The following LRRC18 variants were observed in gnomAD, a reference collection of about 807,000 sequenced individuals.
The protein encoded by LRRC18 is leucine-rich repeat-containing protein 18.
In LRRC18, 12 loss-of-function variants were observed where a neutral mutation model predicts 11.2. That is an observed-to-expected ratio of 1.07 (90% CI 0.69 to 1.74). The LOEUF (loss-of-function observed/expected upper bound fraction) is 1.74, where lower values mean the gene tolerates loss of function less well. LRRC18 is among the 40% of genes most tolerant of loss of function. The pLI, the probability that LRRC18 is intolerant of heterozygous loss-of-function variation, is 0.00. For missense variants in LRRC18, 374 were observed against 330.5 expected, an observed-to-expected ratio of 1.13 and a Z score of -1.02; for synonymous variants, 155 against 130.6, an observed-to-expected ratio of 1.19 and a Z score of -1.27.
upstream of LRRC18, among the ~76,000 whole-genome samples, chr10:48,914,579 C>T (rs1394517912): frequency 6.6e-6 from 1 of 152,162 alleles, no homozygotes; most frequent in East Asian, 1.9e-4. Flanking sequence ...ATATCTGCCC[C>T]TTCCTAGACC....
At chr10:48,922,221 T>A in the LRRC18 span, among the ~76,000 whole-genome samples, 1 of 152,112 alleles carries the variant, frequency 6.6e-6, no homozygotes, top group Non-Finnish European at 1.5e-5. Context: ...CTGTTCTGAG[T>A]AGTATGAGGA....
At chr10:48,928,353 CGTGTGTGTGTGT>C in the LRRC18 span, among the ~76,000 whole-genome samples, 17 of 125,046 alleles carry the variant, frequency 1.4e-4, no homozygotes, top group South Asian at 6.4e-4. Context: ...TTGGTTTTGA[CGTGTGTGTGTGT>C]GTGTGTGTGT....
At chr10:48,915,793 A>C (rs145721166), upstream of LRRC18, among the ~76,000 whole-genome samples, 4 of 152,196 alleles carry the variant, frequency 2.6e-5, no homozygotes, top group East Asian at 5.8e-4. Context: ...TAAACCAATG[A>C]CAGTTCTTAG....
At chr10:48,927,236 C>T in the LRRC18 span, among the ~76,000 whole-genome samples, 3 of 152,188 alleles carry the variant, frequency 2.0e-5, no homozygotes, top group South Asian at 2.1e-4. Context: ...ACCCTCCCCC[C>T]TGCTTCCACA....
the LRRC18 span, among the ~76,000 whole-genome samples, chr10:48,927,813 A>G: frequency 6.6e-6 from 1 of 152,346 alleles, no homozygotes; most frequent in East Asian, 1.9e-4. Context: ...GTTTAATAGC[A>G]TCTATTTTGT....
chr10:48,920,403 T>C, the LRRC18 span, among the ~76,000 whole-genome samples: 1 of 152,014 alleles, frequency 6.6e-6, no homozygotes. Context: ...CATTAGGAGA[T>C]ATACCTAATG....
the LRRC18 span, among the ~76,000 whole-genome samples, chr10:48,938,939 G>T: frequency 3.9e-5 from 6 of 152,150 alleles, no homozygotes; most frequent in Middle Eastern, 3.2e-3. Flanking sequence ...GCCCAATAAG[G>T]CCAGGCCGGG....
At chr10:48,931,190 A>G in the LRRC18 span, among the ~76,000 whole-genome samples, 4 of 152,074 alleles carry the variant, frequency 2.6e-5, no homozygotes, top group Middle Eastern at 3.2e-3. Context: ...CACTGGAGCT[A>G]GATTTGCCTT....
At chr10:48,936,304 T>A in the LRRC18 span, among the ~76,000 whole-genome samples, 1 of 152,158 alleles carries the variant, frequency 6.6e-6, no homozygotes, top group East Asian at 1.9e-4. Flanking sequence ...CATAATTTAA[T>A]GTAGACAGCA....
chr10:48,929,968 G>A, the LRRC18 span, among the ~76,000 whole-genome samples: 1 of 151,856 alleles, frequency 6.6e-6, no homozygotes, highest in South Asian at 2.1e-4. Context: ...GCATCTAAAT[G>A]TAGTTTATGA....
the LRRC18 span, among the ~76,000 whole-genome samples, chr10:48,933,765 G>A: frequency 2.0e-5 from 3 of 152,168 alleles, no homozygotes; most frequent in Non-Finnish European, 2.9e-5. Flanking sequence ...CAACAGAGTA[G>A]ACATGGGCGT....
the LRRC18 span, among the ~76,000 whole-genome samples, chr10:48,939,396 T>G: frequency 6.6e-6 from 1 of 152,212 alleles, no homozygotes; most frequent in African/African-American, 2.4e-5. Flanking sequence ...AAGGATGATA[T>G]GGCAAATCAG....
At chr10:48,936,143 A>G in the LRRC18 span, among the ~76,000 whole-genome samples, 4 of 152,196 alleles carry the variant, frequency 2.6e-5, no homozygotes, top group Non-Finnish European at 5.9e-5. Flanking sequence ...AAATTTAAGT[A>G]GTAAAAATTT....
chr10:48,913,816 G>T, exon 1 of LRRC18: 1 of 1,614,080 alleles, frequency 6.2e-7, no homozygotes, highest in South Asian at 1.1e-5. Flanking sequence ...AGCTCCACGG[G>T]CAGCCCGTTG....
the LRRC18 span, among the ~76,000 whole-genome samples, chr10:48,936,850 A>AT: frequency 1.3e-5 from 2 of 151,630 alleles, no homozygotes; most frequent in Non-Finnish European, 2.9e-5. Context: ...AAAAAAAAAA[A>AT]AGAAAAAAAA....
chr10:48,911,790 A>G (rs1344531421), intron 1 of LRRC18, among the ~76,000 whole-genome samples: 1 of 152,244 alleles, frequency 6.6e-6, no homozygotes, highest in Admixed American at 6.5e-5. Flanking sequence ...TGTTACTTCT[A>G]CAATGAAAAA....
intron 1 of LRRC18, among the ~76,000 whole-genome samples, chr10:48,912,540 C>T (rs1259685056): frequency 1.3e-5 from 2 of 152,210 alleles, no homozygotes; most frequent in Non-Finnish European, 2.9e-5. Flanking sequence ...TGCTCTGCCC[C>T]ATCTCATTTC....
At chr10:48,938,242 T>C in the LRRC18 span, among the ~76,000 whole-genome samples, 5 of 152,242 alleles carry the variant, frequency 3.3e-5, no homozygotes, top group South Asian at 4.1e-4. Flanking sequence ...GATTTTGAGA[T>C]GTGTCTGCAT....
chr10:48,934,995 C>T, the LRRC18 span, among the ~76,000 whole-genome samples: 1 of 152,172 alleles, frequency 6.6e-6, no homozygotes, highest in Non-Finnish European at 1.5e-5. Flanking sequence ...GCTTCCTCCT[C>T]TCCTAAATAA....
Sources: allele counts gnomAD v4.1 joint callset (sites outside exome capture counted in the v4.1 genomes callset), GRCh38; gene constraint gnomAD v4.1.1; transcripts MANE v1.5; gene names NCBI Gene and HGNC (gene_info 2026-07-23, HGNC 2026-07-21).